GLI2: variants seen among roughly 807,000 people sequenced by gnomAD.
GLI2 encodes the protein GLI family zinc finger 2.
In GLI2, 22 loss-of-function variants were observed where a neutral mutation model predicts 78.9. That is an observed-to-expected ratio of 0.28 (90% CI 0.20 to 0.40). The LOEUF (loss-of-function observed/expected upper bound fraction) is 0.40. Among genes scored for constraint, GLI2 ranks in the 10% least tolerant of loss-of-function variants. The pLI, the probability that GLI2 is intolerant of heterozygous loss-of-function variation, is 1.00. For missense variants in GLI2, 2,097 were observed against 2,213.2 expected (o/e 0.95, Z 1.05); for synonymous variants, 974 against 963.7 (o/e 1.01, Z -0.20).
At chr2:120,869,581 G>A (rs1308942695) in intron 2 of GLI2, among the ~76,000 whole-genome samples, 1 of 152,130 alleles carries the variant, frequency 6.6e-6, no homozygotes, top group African/African-American at 2.4e-5. Context: ...TGATAGATTG[G>A]TTAAAATAGT....
chr2:120,891,994 G>A (rs1677705239), intron 2 of GLI2, among the ~76,000 whole-genome samples: 2 of 144,394 alleles, frequency 1.4e-5, no homozygotes, highest in Non-Finnish European at 3.0e-5. Context: ...ACCCCACCCT[G>A]CACCTTGTGA....
At chr2:120,867,663 G>C (rs1374438537) in intron 2 of GLI2, among the ~76,000 whole-genome samples, 1 of 152,346 alleles carries the variant, frequency 6.6e-6, no homozygotes, top group East Asian at 1.9e-4. Flanking sequence ...TGATGAGGCC[G>C]CTCTTGTGTG....
chr2:120,884,030 C>T (rs1677281460), intron 2 of GLI2, among the ~76,000 whole-genome samples: 1 of 152,206 alleles, frequency 6.6e-6, no homozygotes, highest in Admixed American at 6.5e-5. Flanking sequence ...GCATAGCCAC[C>T]ACCTGAAGTT....
chr2:120,938,444 C>T (rs1558897655), intron 3 of GLI2, among the ~76,000 whole-genome samples: 1 of 152,356 alleles, frequency 6.6e-6, no homozygotes, highest in South Asian at 2.1e-4. Flanking sequence ...CTGTTGTGGA[C>T]CACGTGGCTA....
At position 120,988,452 on chromosome 2, in the gene GLI2, G is replaced by C; in HGVS notation, c.2487G>C (p.Pro829=). The stretch of plus-strand genomic sequence containing the variant: ...CCTCGCCCCTGGGCGCCGGCCGCCC[G>C]CACAACGCGAGCTCCGCTGACTCCT... The part of the protein sequence containing the change: ...SEASPLGAGR[P]HNASSADSYD... Residue 829 remains proline, a synonymous_variant, in exon 14 of 14, where the codon CCG becomes CCC. Transcript: ENST00000361492. 6.4e-7 allele frequency: 1 copy of C among 1,568,582 alleles called. No homozygotes were observed. The highest frequency in any genetic ancestry group is 1.7e-5 in the Admixed American group (1 of 57,368).
chr2:120,884,215 G>A (rs532983431), intron 2 of GLI2, among the ~76,000 whole-genome samples: 4 of 152,328 alleles, frequency 2.6e-5, no homozygotes, highest in East Asian at 1.9e-4. Flanking sequence ...AGACCCAGGC[G>A]TGGGCTGCAG....
chr2:120,935,849 G>C (rs12619459), intron 3 of GLI2, among the ~76,000 whole-genome samples: 151,988 of 152,320 alleles, frequency 1, 75,831 homozygotes, highest in Middle Eastern at 1. Context: ...AGGAGCGTGT[G>C]TGATAAGACG....
At chr2:120,927,212 C>T (rs1399169167) in intron 2 of GLI2, 149 bp from the exon 3 acceptor site, 7 of 738,016 alleles carry the variant, frequency 9.5e-6, no homozygotes, top group South Asian at 5.6e-5. Flanking sequence ...CATCCCCCTT[C>T]GTGGGTGTGT....
chr2:120,980,120 T>C (rs1339997481), intron 10 of GLI2, among the ~76,000 whole-genome samples: 1 of 152,232 alleles, frequency 6.6e-6, no homozygotes, highest in African/African-American at 2.4e-5. Context: ...GTTCATGTTT[T>C]TATATGGACA....
chr2:120,959,884 G>C (rs1017865721), intron 5 of GLI2, among the ~76,000 whole-genome samples: 2 of 152,202 alleles, frequency 1.3e-5, no homozygotes, highest in Non-Finnish European at 2.9e-5. Flanking sequence ...TGCAGCTCAG[G>C]AGACCTGTGG....
At chr2:120,752,361 C>T (rs898538928) in intron 1 of GLI2, among the ~76,000 whole-genome samples, 1 of 150,992 alleles carries the variant, frequency 6.6e-6, no homozygotes, top group African/African-American at 2.4e-5. Context: ...AACTCTGCCT[C>T]CCTGGTTCAA....
intron 2 of GLI2, among the ~76,000 whole-genome samples, chr2:120,802,677 A>G (rs1208866986): frequency 6.6e-6 from 1 of 152,150 alleles, no homozygotes; most frequent in Non-Finnish European, 1.5e-5. Flanking sequence ...CCTCTGGGAT[A>G]ATATGAAAGG....
At chr2:120,812,826 C>T (rs895759957) in intron 2 of GLI2, among the ~76,000 whole-genome samples, 40 of 152,302 alleles carry the variant, frequency 2.6e-4, no homozygotes, top group African/African-American at 8.9e-4. Context: ...GGTGAGTGCC[C>T]CCTCCAATCC....
chr2:120,804,904 G>C (rs974718759), intron 2 of GLI2, among the ~76,000 whole-genome samples: 9 of 152,224 alleles, frequency 5.9e-5, no homozygotes, highest in African/African-American at 2.2e-4. Flanking sequence ...CTTGGGGTCA[G>C]GCAGATCTGG....
At chr2:120,880,355 G>T (rs936124986) in intron 2 of GLI2, among the ~76,000 whole-genome samples, 2 of 152,116 alleles carry the variant, frequency 1.3e-5, no homozygotes, top group Admixed American at 1.3e-4. Flanking sequence ...TTTTCATTCA[G>T]GTTTAAGGCA....
intron 2 of GLI2, among the ~76,000 whole-genome samples, chr2:120,885,680 G>C (rs1018622772): frequency 6.6e-6 from 1 of 152,232 alleles, no homozygotes; most frequent in African/African-American, 2.4e-5. Context: ...GGTGGGCAGA[G>C]GGACTCAGGC....
chr2:120,797,616 C>A (rs942692020), intron 2 of GLI2, 148 bp downstream of exon 2: 2 of 759,322 alleles, frequency 2.6e-6, no homozygotes, highest in African/African-American at 1.7e-5. Flanking sequence ...CCCAGGAATC[C>A]CAGGCACCAT....
At chr2:120,851,134 T>C (rs1687387215) in intron 2 of GLI2, among the ~76,000 whole-genome samples, 1 of 152,194 alleles carries the variant, frequency 6.6e-6, no homozygotes, top group Non-Finnish European at 1.5e-5. Context: ...CTTAGATTTT[T>C]TTAAAAAAAG....
At position 120,800,022 on chromosome 2, in the gene GLI2, G is replaced by A. The variant is rs1684619541; in HGVS notation, c.148+2554G>A. On this transcript the variant is annotated intron_variant, in intron 2 of 13. Transcript: ENST00000361492. The surrounding 1 kb of genome is among the most constrained non-coding windows in gnomAD (Gnocchi z 4.1). ...GGTCTTCTGGGACTGGAATGGTGTA[G>A]GAGAAAGGGTGGCATTGGTGAAGGA... 6.6e-6 allele frequency among the ~76,000 whole-genome samples: 1 copy of A among 152,206 alleles called. No homozygotes were observed. The highest frequency in any genetic ancestry group is 6.5e-5 in the Admixed American group (1 of 15,284).
Sources: gnomAD v4.1 joint callset for allele counts (sites outside exome capture counted in the v4.1 genomes callset) on GRCh38, gnomAD v4.1.1 for gene constraint, Gnocchi (gnomAD v3.1) non-coding constraint, MANE v1.5 for transcripts, NCBI Gene and HGNC (gene_info 2026-07-23, HGNC 2026-07-21) for gene names.